The following CORIN variants were observed in gnomAD, a reference collection of about 807,000 sequenced individuals.
CORIN encodes the protein atrial natriuretic peptide-converting enzyme.
A neutral mutation model predicts 125.3 loss-of-function variants in CORIN; 117 were observed. That is an observed-to-expected ratio of 0.93 (90% CI 0.80 to 1.09). CORIN has a LOEUF of 1.09. Ranked by LOEUF, CORIN falls within the 50% of genes least tolerant of loss-of-function variation. The pLI, the probability that CORIN is intolerant of heterozygous loss-of-function variation, is 0.00. For synonymous variants in CORIN, 450 were observed against 466.4 expected, an observed-to-expected ratio of 0.96 and a Z score of 0.45; for missense variants, 1,253 against 1,306.7, an observed-to-expected ratio of 0.96 and a Z score of 0.63.
chr4:47,701,259 T>A lies in CORIN; in HGVS notation c.800-8176A>T, dbSNP rs115251973. On this transcript the variant is annotated intron_variant, in intron 5 of 21. Coordinates refer to ENST00000273857, the MANE Select transcript of CORIN (RefSeq NM_006587.4). ...AACGTCCCTTGGTGTCATTTATATATCTTTTAATTAGTGAGAAACTGTCTC... is the reference window on the plus strand; with the variant it reads ...AACGTCCCTTGGTGTCATTTATATAACTTTTAATTAGTGAGAAACTGTCTC... Among the ~76,000 whole-genome samples, 808 of 152,332 alleles carry A rather than the reference T, an allele frequency of 5.3e-3. 5 individuals are homozygous for A. The highest frequency in any genetic ancestry group is 0.018 in the African/African-American group (747 of 41,576).
intron 1 of CORIN, among the ~76,000 whole-genome samples, chr4:47,815,816 A>G (rs940590696): frequency 6.6e-6 from 1 of 152,180 alleles, no homozygotes; most frequent in Non-Finnish European, 1.5e-5. Flanking sequence ...AAAATGTTCT[A>G]AATTTCACAT....
At chr4:47,606,626 A>T (rs149543031) in intron 19 of CORIN, among the ~76,000 whole-genome samples, 84 of 149,028 alleles carry the variant, frequency 5.6e-4, no homozygotes, top group African/African-American at 1.9e-3. Flanking sequence ...CTTCCTTCCT[A>T]CCTTCTTTCC....
intron 17 of CORIN, among the ~76,000 whole-genome samples, chr4:47,625,068 CTATTACAT>C (rs1233327871): frequency 6.6e-6 from 1 of 152,072 alleles, no homozygotes; most frequent in African/African-American, 2.4e-5. Flanking sequence ...TCCTTACTCT[CTATTACAT>C]TATTCTAAAT....
chr4:47,764,158 C>T (rs1279305791), intron 3 of CORIN, among the ~76,000 whole-genome samples: 1 of 152,260 alleles, frequency 6.6e-6, no homozygotes. Flanking sequence ...TTAATCACAA[C>T]GGATGATGCT....
At chr4:47,780,074 G>A (rs1023749414) in intron 3 of CORIN, among the ~76,000 whole-genome samples, 2 of 151,966 alleles carry the variant, frequency 1.3e-5, no homozygotes, top group Admixed American at 6.6e-5. Context: ...ATGACAACAT[G>A]GAATACTATT....
At chr4:47,614,516 A>G (rs1721999315) in intron 19 of CORIN, among the ~76,000 whole-genome samples, 1 of 152,250 alleles carries the variant, frequency 6.6e-6, no homozygotes, top group East Asian at 1.9e-4. Context: ...TCCAATTTCT[A>G]TATTCAAGGA....
chr4:47,643,152 C>A lies in CORIN; in HGVS notation c.2062G>T (p.Asp688Tyr), dbSNP rs143147998. The A allele has an allele frequency of 5.3e-5, 85 of 1,613,952 alleles. 1 individual carries two copies. In the African/African-American group the frequency reaches 1.1e-3, roughly 20 times the overall value. The change falls in exon 15 of 22, where the codon GAC becomes TAC. Residue 688 changes from aspartate to tyrosine, a missense_variant. Transcript: ENST00000273857. ...ADCSDSSDEW[D>Y]CVTLSINVNS... is the part of the protein sequence containing the mutation. ...GCAGAAACAAGTAGCTCACCACAGT[C>A]CCATTCATCTGAACTGTCTGAGCAG... is the stretch of plus-strand genomic sequence containing the variant.
chr4:47,753,472 A>C (rs1379282539), intron 4 of CORIN, among the ~76,000 whole-genome samples: 5 of 152,108 alleles, frequency 3.3e-5, no homozygotes, highest in Non-Finnish European at 5.9e-5. Flanking sequence ...GTACTGCAGG[A>C]GACCAGGGCG....
At chr4:47,656,003 C>A (rs1216900176) in intron 12 of CORIN, among the ~76,000 whole-genome samples, 1 of 152,016 alleles carries the variant, frequency 6.6e-6, no homozygotes, top group Non-Finnish European at 1.5e-5. Context: ...CAGTATTACC[C>A]TGAAACCAAA....
chr4:47,600,618 A>G (rs554566366), intron 20 of CORIN, among the ~76,000 whole-genome samples: 2 of 152,286 alleles, frequency 1.3e-5, no homozygotes, highest in Non-Finnish European at 2.9e-5. Context: ...AAGTTGGTTC[A>G]TCCTTACCAT....
intron 1 of CORIN, among the ~76,000 whole-genome samples, chr4:47,813,280 C>T (rs1204912036): frequency 6.6e-6 from 1 of 152,200 alleles, no homozygotes; most frequent in Non-Finnish European, 1.5e-5. Flanking sequence ...TCCCTTGAGT[C>T]ACTGCAGCAA....
chr4:47,594,088 A>G lies in CORIN; in HGVS notation c.*1633T>C, dbSNP rs1264676573. 1 of 152,094 alleles carries G rather than the reference A, an allele frequency of 6.6e-6. No homozygotes were observed. The highest frequency in any genetic ancestry group is 1.5e-5 in the Non-Finnish European group (1 of 67,980). 9.4% of individuals were successfully genotyped at this position (152,094 alleles called of 1,614,324 possible). A position where few individuals can be genotyped will look rare whatever the true frequency, so the allele number is the denominator to read the frequency against. On this transcript the variant is annotated 3_prime_UTR_variant, in exon 22 of 22. Coordinates refer to ENST00000273857, the MANE Select transcript of CORIN (RefSeq NM_006587.4). ...CACTGAGCCTAAGTTGAGCAGGCTA[A>G]AAGTTGATACATTGAGTATGTAGCT...
intron 5 of CORIN, among the ~76,000 whole-genome samples, chr4:47,711,300 C>T (rs1338588040): frequency 6.6e-6 from 1 of 152,234 alleles, no homozygotes; most frequent in African/African-American, 2.4e-5. Flanking sequence ...GCGTTTTTCA[C>T]AGTAATGGAG....
rs188714659 is a variant in CORIN, at chr4:47,694,187, C to T, written c.800-1104G>A. 1.8e-3 allele frequency among the ~76,000 whole-genome samples: 278 copies of T among 152,234 alleles called. 1 individual carries two copies. Among genetic ancestry groups the T allele is most frequent in the African/African-American group, 6.6e-3 (273 of 41,538 alleles). Reference sequence around the variant, plus strand: ...TTAATGTCCTAGGACAAAGTTCAAGCTACTTTAGATGAGAAAACACCAACT... The same window carrying T: ...TTAATGTCCTAGGACAAAGTTCAAGTTACTTTAGATGAGAAAACACCAACT... On this transcript the variant is annotated intron_variant, in intron 5 of 21. Transcript: ENST00000273857.
chr4:47,706,615 G>A (rs1726572178), intron 5 of CORIN: 1 of 1,603,332 alleles, frequency 6.2e-7, no homozygotes. Flanking sequence ...TGCAACTTAC[G>A]GCAAGCCTGT....
intron 1 of CORIN, among the ~76,000 whole-genome samples, chr4:47,816,419 G>T (rs1039082444): frequency 3.3e-5 from 5 of 152,100 alleles, no homozygotes; most frequent in African/African-American, 1.2e-4. Context: ...CAGTAATTTG[G>T]TTTATTCCAC....
chr4:47,702,452 G>A (rs1039563626), intron 5 of CORIN, among the ~76,000 whole-genome samples: 6 of 151,988 alleles, frequency 3.9e-5, no homozygotes, highest in South Asian at 2.1e-4. Flanking sequence ...CAGTCACAAC[G>A]TTTATGGAAA....
chr4:47,830,537 CCT>C (rs762476911), intron 1 of CORIN, among the ~76,000 whole-genome samples: 1 of 152,122 alleles, frequency 6.6e-6, no homozygotes, highest in Non-Finnish European at 1.5e-5. Context: ...TGCATGAATC[CCT>C]GTTTTGTTCA....
At chr4:47,733,458 T>C (rs1727981642) in intron 5 of CORIN, among the ~76,000 whole-genome samples, 1 of 152,212 alleles carries the variant, frequency 6.6e-6, no homozygotes, top group Non-Finnish European at 1.5e-5. Context: ...TTGCTGCTTG[T>C]GCACTGAAAT....
Sources: gnomAD v4.1 joint callset for allele counts (sites outside exome capture counted in the v4.1 genomes callset) on GRCh38, gnomAD v4.1.1 for gene constraint, MANE v1.5 for transcripts, NCBI Gene and HGNC (gene_info 2026-07-23, HGNC 2026-07-21) for gene names.